The following KCNH7 variants were observed in gnomAD, a reference collection of about 807,000 sequenced individuals.
KCNH7 encodes the protein potassium voltage-gated channel subfamily H member 7.
A neutral mutation model predicts 120.8 loss-of-function variants in KCNH7; 49 were observed. The ratio of observed to expected loss-of-function variants is 0.41; its 90% CI spans 0.32 to 0.51. The LOEUF (loss-of-function observed/expected upper bound fraction) is 0.51. Among genes scored for constraint, KCNH7 ranks in the 20% least tolerant of loss-of-function variants. The pLI is 0.38. For missense variants in KCNH7, 1,097 were observed against 1,446.6 expected, an observed-to-expected ratio of 0.76 and a Z score of 3.92; for synonymous variants, 547 against 516.1, an observed-to-expected ratio of 1.06 and a Z score of -0.81.
At chr2:162,650,462 T>A (rs866498512) in intron 2 of KCNH7, among the ~76,000 whole-genome samples, 2 of 152,284 alleles carry the variant, frequency 1.3e-5, no homozygotes, top group Middle Eastern at 3.4e-3. Context: ...ATATGATATC[T>A]ACAAAAGTAT....
intron 2 of KCNH7, among the ~76,000 whole-genome samples, chr2:162,603,295 G>T (rs1312676007): frequency 6.6e-6 from 1 of 151,936 alleles, no homozygotes; most frequent in African/African-American, 2.4e-5. Flanking sequence ...AAATATGGTG[G>T]TTTTTATAAT....
chr2:162,596,053 TGAA>T (rs1433861908), intron 2 of KCNH7, among the ~76,000 whole-genome samples: 1 of 152,028 alleles, frequency 6.6e-6, no homozygotes, highest in Non-Finnish European at 1.5e-5. Context: ...TGAAAGAAAT[TGAA>T]GATGACAAAA....
intron 9 of KCNH7, among the ~76,000 whole-genome samples, chr2:162,423,043 C>A (rs1385594404): frequency 2.0e-5 from 3 of 152,090 alleles, no homozygotes; most frequent in Non-Finnish European, 4.4e-5. Context: ...GCAGTAAAAA[C>A]CCAAGTCCCA....
intron 5 of KCNH7, among the ~76,000 whole-genome samples, chr2:162,511,776 G>C (rs556183429): frequency 6.6e-6 from 1 of 151,820 alleles, no homozygotes; most frequent in Admixed American, 6.6e-5. Context: ...ATACAGGAGA[G>C]AGTGGTCAAA....
intron 14 of KCNH7, among the ~76,000 whole-genome samples, chr2:162,377,034 G>A (rs1686220073): frequency 1.3e-5 from 2 of 152,290 alleles, no homozygotes; most frequent in East Asian, 1.9e-4. Flanking sequence ...GACAAATGGT[G>A]TAGGAATTCA....
chr2:162,794,513 G>A (rs576626702), intron 2 of KCNH7, among the ~76,000 whole-genome samples: 1 of 152,128 alleles, frequency 6.6e-6, no homozygotes, highest in African/African-American at 2.4e-5. Context: ...TATTCACTTA[G>A]TACTTATACA....
chr2:162,772,752 C>G (rs1683099990), intron 2 of KCNH7, among the ~76,000 whole-genome samples: 1 of 152,144 alleles, frequency 6.6e-6, no homozygotes, highest in Non-Finnish European at 1.5e-5. Context: ...CATTTTGCTC[C>G]CTCTTTCTTT....
Position 162,492,865 on chromosome 2 carries a change from G to GTTTT in KCNH7, c.1128+11574_1128+11577dup, listed in dbSNP as rs67006443. Among the ~76,000 whole-genome samples, 106 of 57,194 alleles carry GTTTT rather than the reference G, an allele frequency of 1.9e-3. 13 individuals are homozygous for GTTTT. The highest frequency in any genetic ancestry group is 0.02 in the Middle Eastern group (1 of 50). 37.5% of individuals were successfully genotyped at this position (57,194 alleles called of 152,430 possible). A position where few individuals can be genotyped will look rare whatever the true frequency, so the allele number is the denominator to read the frequency against. Reference sequence around the variant, plus strand: ...CTATGTTTTTCTCTTCTTGGATCTTGTTTTTTTTTTTTTTTTTTTTTTTTT... The same window carrying GTTTT: ...CTATGTTTTTCTCTTCTTGGATCTTGTTTTTTTTTTTTTTTTTTTTTTTTTTTTT... On this transcript the variant is annotated intron_variant, in intron 6 of 15. Coordinates refer to ENST00000332142, the MANE Select transcript of KCNH7 (RefSeq NM_033272.4).
chr2:162,813,346 G>C (rs550978170), intron 2 of KCNH7, among the ~76,000 whole-genome samples: 20 of 152,176 alleles, frequency 1.3e-4, no homozygotes, highest in African/African-American at 4.3e-4. Flanking sequence ...TACATTCCTC[G>C]ATCAGGTACA....
At chr2:162,463,298 T>A (rs1172184952) in intron 6 of KCNH7, among the ~76,000 whole-genome samples, 1 of 151,958 alleles carries the variant, frequency 6.6e-6, no homozygotes, top group Non-Finnish European at 1.5e-5. Flanking sequence ...CACAGTCAGG[T>A]ATTAAATCAT....
At chr2:162,520,783 T>A (rs1432879099) in intron 3 of KCNH7, among the ~76,000 whole-genome samples, 2 of 151,554 alleles carry the variant, frequency 1.3e-5, no homozygotes, top group East Asian at 2.0e-4. Context: ...GAAAGAAAAA[T>A]TAATATATGA....
chr2:162,511,892 T>C (rs780867571), intron 5 of KCNH7, among the ~76,000 whole-genome samples: 9 of 151,730 alleles, frequency 5.9e-5, no homozygotes, highest in Non-Finnish European at 1.3e-4. Flanking sequence ...GCAGCATGCA[T>C]GGCCTATGTT....
At chr2:162,417,675 AG>A (rs972685334) in intron 9 of KCNH7, among the ~76,000 whole-genome samples, 4 of 152,168 alleles carry the variant, frequency 2.6e-5, no homozygotes, top group Non-Finnish European at 4.4e-5. Flanking sequence ...GATGGGCTAA[AG>A]GTCAGATCCT....
intron 2 of KCNH7, among the ~76,000 whole-genome samples, chr2:162,831,285 G>A (rs1685467943): frequency 6.6e-6 from 1 of 152,088 alleles, no homozygotes; most frequent in Non-Finnish European, 1.5e-5. Context: ...CATCAGCATA[G>A]GTGATTCATG....
intron 2 of KCNH7, among the ~76,000 whole-genome samples, chr2:162,665,235 A>G (rs1362467978): frequency 6.6e-6 from 1 of 152,168 alleles, no homozygotes; most frequent in African/African-American, 2.4e-5. Flanking sequence ...CACACAAGTC[A>G]TGTCAAATTG....
At chr2:162,809,703 C>A (rs1684667155) in intron 2 of KCNH7, among the ~76,000 whole-genome samples, 1 of 152,044 alleles carries the variant, frequency 6.6e-6, no homozygotes, top group African/African-American at 2.4e-5. Context: ...ACTTTTTCAT[C>A]TCATGTAAAC....
At chr2:162,517,342 C>A (rs750923815) in intron 4 of KCNH7, among the ~76,000 whole-genome samples, 1 of 151,794 alleles carries the variant, frequency 6.6e-6, no homozygotes, top group Non-Finnish European at 1.5e-5. Context: ...AATGAACTAG[C>A]CCTCTGATGG....
chr2:162,452,377 G>A (rs979044745), intron 6 of KCNH7, among the ~76,000 whole-genome samples: 2 of 152,050 alleles, frequency 1.3e-5, no homozygotes, highest in Non-Finnish European at 2.9e-5. Flanking sequence ...CATCATAGAG[G>A]CTTACCTCTG....
chr2:162,704,866 G>A (rs1471634433), intron 2 of KCNH7, among the ~76,000 whole-genome samples: 1 of 152,120 alleles, frequency 6.6e-6, no homozygotes, highest in East Asian at 1.9e-4. Flanking sequence ...GAAGTAGTTT[G>A]AGATAAGGAA....
Sources: gnomAD v4.1 joint callset for allele counts (sites outside exome capture counted in the v4.1 genomes callset) on GRCh38, gnomAD v4.1.1 for gene constraint, MANE v1.5 for transcripts, NCBI Gene and HGNC (gene_info 2026-07-23, HGNC 2026-07-21) for gene names.